Variants in NRAP observed in about 807,000 individuals in gnomAD.
NRAP encodes the protein nebulin related anchoring protein.
A neutral mutation model predicts 225.9 loss-of-function variants in NRAP; 189 were observed. That is an observed-to-expected ratio of 0.84 (90% CI 0.74 to 0.94). The LOEUF is 0.94. Among genes scored for constraint, NRAP ranks in the 40% least tolerant of loss-of-function variants. The probability of loss-of-function intolerance (pLI) is 0.00; values close to 1 mark genes in which losing one functional copy is unlikely to be tolerated. For missense variants in NRAP, 2,176 were observed against 2,168.7 expected (o/e 1.00, Z -0.07); for synonymous variants, 769 against 790.7 (o/e 0.97, Z 0.46).
chr10:113,647,104 A>G, intron 9 of NRAP, 77 bp from the exon 10 acceptor site: 4 of 887,282 alleles, frequency 4.5e-6, no homozygotes, highest in Non-Finnish European at 7.7e-6. Context: ...GGTCACTCAT[A>G]GAGCCTATTC....
intron 14 of NRAP, among the ~76,000 whole-genome samples, chr10:113,637,593 A>G (rs1244095439): frequency 2.6e-5 from 4 of 152,222 alleles, no homozygotes; most frequent in Admixed American, 6.5e-5. Context: ...GCTCCTGACA[A>G]TGGGCCGTGG....
intron 31 of NRAP, among the ~76,000 whole-genome samples, chr10:113,608,785 T>C (rs1435414773): frequency 6.6e-6 from 1 of 152,120 alleles, no homozygotes; most frequent in Non-Finnish European, 1.5e-5. Context: ...CTATTTAAAT[T>C]TGTGGTTTGT....
chr10:113,620,782 C>G, intron 24 of NRAP, 74 bp from the exon 25 acceptor site: 1 of 1,013,736 alleles, frequency 9.9e-7, no homozygotes, highest in Non-Finnish European at 1.5e-6. Context: ...CTATTAGCGG[C>G]TCCCAACACA....
intron 5 of NRAP, among the ~76,000 whole-genome samples, chr10:113,653,452 G>A (rs1356888370): frequency 1.3e-5 from 2 of 152,288 alleles, no homozygotes; most frequent in South Asian, 2.1e-4. Context: ...CTGATGATTA[G>A]TTTTCCTAAT....
At chr10:113,658,503 C>T (rs993938695) in intron 3 of NRAP, among the ~76,000 whole-genome samples, 2 of 152,024 alleles carry the variant, frequency 1.3e-5, no homozygotes, top group Non-Finnish European at 2.9e-5. Flanking sequence ...GTAAAAAGGA[C>T]TAATTATAAA....
chr10:113,635,058 G>A (rs1214732959), intron 14 of NRAP, among the ~76,000 whole-genome samples: 2 of 152,168 alleles, frequency 1.3e-5, no homozygotes, highest in East Asian at 3.9e-4. Flanking sequence ...CAGTGCAGCT[G>A]GATGCATTGA....
At chr10:113,599,470 G>A (rs989301996) in intron 35 of NRAP, among the ~76,000 whole-genome samples, 1 of 152,194 alleles carries the variant, frequency 6.6e-6, no homozygotes, top group African/African-American at 2.4e-5. Context: ...ATCCTACAGG[G>A]CCTCTTCACA....
intron 23 of NRAP, 127 bp downstream of exon 23, chr10:113,623,402 C>T: frequency 1.8e-6 from 1 of 557,954 alleles, no homozygotes; most frequent in Non-Finnish European, 3.2e-6. Flanking sequence ...TTGCTATCAT[C>T]TCCATTTTAC....
chr10:113,603,170 T>C (rs559562677), intron 35 of NRAP, among the ~76,000 whole-genome samples: 1 of 152,296 alleles, frequency 6.6e-6, no homozygotes, highest in South Asian at 2.1e-4. Context: ...CCATTGTCAT[T>C]ATCGTCATGT....
chr10:113,607,540 C>T (rs1454762234), intron 32 of NRAP, among the ~76,000 whole-genome samples: 1 of 151,130 alleles, frequency 6.6e-6, no homozygotes, highest in Non-Finnish European at 1.5e-5. Context: ...TCCCACAGCA[C>T]AAAGCTCATA....
intron 34 of NRAP, 79 bp from the exon 35 acceptor site, chr10:113,604,999 C>T (rs1846865479): frequency 1.3e-6 from 2 of 1,490,798 alleles, no homozygotes; most frequent in African/African-American, 2.8e-5. Context: ...TGTTCTTACA[C>T]TAGGAGGTGA....
intron 3 of NRAP, among the ~76,000 whole-genome samples, chr10:113,661,608 G>A (rs1037156541): frequency 6.6e-6 from 1 of 152,162 alleles, no homozygotes; most frequent in Non-Finnish European, 1.5e-5. Context: ...ATGGGTTATA[G>A]AAGCTCAATG....
chr10:113,595,011 C>T (rs1228101331), intron 38 of NRAP, among the ~76,000 whole-genome samples: 1 of 152,246 alleles, frequency 6.6e-6, no homozygotes, highest in Non-Finnish European at 1.5e-5. Context: ...GGCCGAGCGG[C>T]CGCCTATTCT....
chr10:113,613,354 C>T (rs1198790241), intron 29 of NRAP, among the ~76,000 whole-genome samples: 1 of 152,170 alleles, frequency 6.6e-6, no homozygotes, highest in Non-Finnish European at 1.5e-5. Context: ...GCTGGCTCCA[C>T]GGCCTGGCTC....
intron 3 of NRAP, among the ~76,000 whole-genome samples, chr10:113,660,918 C>T (rs1850634604): frequency 6.6e-6 from 1 of 152,128 alleles, no homozygotes; most frequent in Non-Finnish European, 1.5e-5. Context: ...TACTTAACCT[C>T]TCTGAGCTTC....
intron 3 of NRAP, among the ~76,000 whole-genome samples, chr10:113,662,105 A>T (rs1455276350): frequency 6.6e-6 from 1 of 152,200 alleles, no homozygotes; most frequent in Non-Finnish European, 1.5e-5. Flanking sequence ...ATTGGCTCCT[A>T]ATATTGTGGG....
At chr10:113,596,827 T>C (rs999861707) in intron 37 of NRAP, among the ~76,000 whole-genome samples, 1 of 152,222 alleles carries the variant, frequency 6.6e-6, no homozygotes, top group African/African-American at 2.4e-5. Context: ...CATTTAATCT[T>C]ATGAAATGGT....
At chr10:113,592,886 C>T (rs1009422113) in intron 38 of NRAP, among the ~76,000 whole-genome samples, 1 of 152,194 alleles carries the variant, frequency 6.6e-6, no homozygotes, top group Non-Finnish European at 1.5e-5. Context: ...AAGCACCTGA[C>T]CGAGTACCTG....
chr10:113,641,599 G>A (rs1025417888), intron 12 of NRAP, 127 bp from the exon 13 acceptor site: 18 of 599,958 alleles, frequency 3.0e-5, no homozygotes, highest in Middle Eastern at 3.9e-4. Flanking sequence ...AATAGTCAAC[G>A]TATCACAGAA....
Sources: allele counts gnomAD v4.1 joint callset (sites outside exome capture counted in the v4.1 genomes callset), GRCh38; gene constraint gnomAD v4.1.1; transcripts MANE v1.5; gene names NCBI Gene and HGNC (gene_info 2026-07-23, HGNC 2026-07-21).